The following GRID2 variants were observed in gnomAD, a reference collection of about 807,000 sequenced individuals.
GRID2 encodes glutamate ionotropic receptor delta type subunit 2, also known as glutamate receptor ionotropic, delta-2.
Under a neutral mutation model 114.8 loss-of-function variants are expected in GRID2, and 33 were observed. The observed-to-expected ratio is 0.29, with a 90% CI of 0.22 to 0.38. The LOEUF (loss-of-function observed/expected upper bound fraction) is 0.38. GRID2 is among the 10% of genes least tolerant of loss of function. The pLI, the probability that GRID2 is intolerant of heterozygous loss-of-function variation, is 1.00. For synonymous variants in GRID2, 505 were observed against 449.9 expected (o/e 1.12, Z -1.55); for missense variants, 1,184 against 1,257.7 (o/e 0.94, Z 0.89).
intron 8 of GRID2, among the ~76,000 whole-genome samples, chr4:93,295,829 A>C (rs1425182631): frequency 6.6e-6 from 1 of 152,218 alleles, no homozygotes; most frequent in African/African-American, 2.4e-5. Flanking sequence ...CCTAGTTGAT[A>C]CATAAAACTG....
intron 2 of GRID2, among the ~76,000 whole-genome samples, chr4:92,871,948 T>C (rs559654691): frequency 5.9e-5 from 9 of 152,282 alleles, no homozygotes; most frequent in Non-Finnish European, 8.8e-5. Context: ...ATTAAATGTA[T>C]AGTGAAATTT....
intron 14 of GRID2, among the ~76,000 whole-genome samples, chr4:93,754,112 T>C (rs1732553870): frequency 6.6e-6 from 1 of 152,198 alleles, no homozygotes; most frequent in Non-Finnish European, 1.5e-5. Flanking sequence ...TAAGTATTTA[T>C]GTATGTAAAC....
chr4:92,710,496 C>T (rs1056100221), intron 2 of GRID2, among the ~76,000 whole-genome samples: 4 of 152,134 alleles, frequency 2.6e-5, no homozygotes, highest in Admixed American at 1.3e-4. Context: ...TAAAAGCAAA[C>T]GTAAGAGGAA....
chr4:92,404,436 G>A (rs1412548937), intron 1 of GRID2, among the ~76,000 whole-genome samples: 1 of 152,138 alleles, frequency 6.6e-6, no homozygotes, highest in Admixed American at 6.6e-5. Context: ...CACCGTTGGT[G>A]GGAATGTAAA....
intron 1 of GRID2, among the ~76,000 whole-genome samples, chr4:93,794,203 A>C (rs953561697): frequency 6.6e-6 from 1 of 152,148 alleles, no homozygotes; most frequent in Non-Finnish European, 1.5e-5. Context: ...TTCCTTTTAG[A>C]TGGCAGTGAT....
intron 2 of GRID2, among the ~76,000 whole-genome samples, chr4:92,673,358 C>T (rs560651441): frequency 4.6e-5 from 7 of 152,286 alleles, no homozygotes; most frequent in Admixed American, 6.5e-5. Context: ...TTCATTTCTA[C>T]ATACGCTATT....
At chr4:92,480,101 ATAAT>A (rs1369520258) in intron 1 of GRID2, among the ~76,000 whole-genome samples, 5 of 152,132 alleles carry the variant, frequency 3.3e-5, no homozygotes, top group African/African-American at 1.2e-4. Context: ...ATGATTACAA[ATAAT>A]TTTTCTTGTC....
intron 13 of GRID2, among the ~76,000 whole-genome samples, chr4:93,578,289 A>T (rs1171044543): frequency 2.6e-5 from 4 of 152,108 alleles, no homozygotes; most frequent in Non-Finnish European, 4.4e-5. Flanking sequence ...GAGGAGAAAA[A>T]TAGGTATTTT....
chr4:93,587,103 A>G (rs561707389), intron 13 of GRID2, among the ~76,000 whole-genome samples: 1 of 152,160 alleles, frequency 6.6e-6, no homozygotes, highest in Admixed American at 6.6e-5. Context: ...CTTTCTGTCT[A>G]TCATTTCTCT....
intron 13 of GRID2, among the ~76,000 whole-genome samples, chr4:93,529,616 C>T (rs1253130981): frequency 6.6e-6 from 1 of 152,214 alleles, no homozygotes; most frequent in East Asian, 1.9e-4. Flanking sequence ...CCCAGGGCTT[C>T]GGGTGCATCA....
chr4:93,261,075 T>G (rs1411399506), intron 8 of GRID2, among the ~76,000 whole-genome samples: 1 of 151,826 alleles, frequency 6.6e-6, no homozygotes, highest in African/African-American at 2.4e-5. Context: ...GTGCATGATA[T>G]AGTATACCTA....
intron 2 of GRID2, among the ~76,000 whole-genome samples, chr4:92,797,697 G>A (rs1425975496): frequency 2.7e-5 from 4 of 150,086 alleles, no homozygotes. Context: ...TTCTTTTTTT[G>A]CTATTTCTAT....
At chr4:93,015,934 C>T (rs1323218551) in intron 2 of GRID2, among the ~76,000 whole-genome samples, 1 of 151,774 alleles carries the variant, frequency 6.6e-6, no homozygotes, top group African/African-American at 2.4e-5. Flanking sequence ...AAGATAAGCA[C>T]ATGTAAATAA....
intron 3 of GRID2, among the ~76,000 whole-genome samples, chr4:93,104,642 A>AT (rs1022681953): frequency 1.6e-4 from 24 of 152,188 alleles, no homozygotes; most frequent in African/African-American, 4.8e-4. Flanking sequence ...TGAACTCTTC[A>AT]TTTTTTATGG....
intron 1 of GRID2, among the ~76,000 whole-genome samples, chr4:93,797,431 C>T (rs1457067601): frequency 6.6e-6 from 1 of 152,104 alleles, no homozygotes; most frequent in African/African-American, 2.4e-5. Flanking sequence ...AAAAATGTGT[C>T]TGAATAGCTA....
chr4:92,621,827 A>G (rs1473064190), intron 2 of GRID2, among the ~76,000 whole-genome samples: 1 of 151,844 alleles, frequency 6.6e-6, no homozygotes, highest in Non-Finnish European at 1.5e-5. Context: ...AAGTTTGATA[A>G]TGATGAAGGT....
intron 2 of GRID2, among the ~76,000 whole-genome samples, chr4:92,848,604 C>G (rs776925566): frequency 2.6e-5 from 4 of 151,844 alleles, no homozygotes; most frequent in Non-Finnish European, 5.9e-5. Context: ...CTAATACCCA[C>G]ACCTGGAACA....
intron 2 of GRID2, among the ~76,000 whole-genome samples, chr4:92,888,778 A>G (rs987658236): frequency 1.3e-5 from 2 of 151,294 alleles, no homozygotes; most frequent in Admixed American, 6.6e-5. Flanking sequence ...TGCACCCTTT[A>G]TCTAGTAGCT....
intron 14 of GRID2, among the ~76,000 whole-genome samples, chr4:93,715,541 TA>T (rs1319454058): frequency 2.0e-5 from 3 of 152,246 alleles, no homozygotes; most frequent in Admixed American, 1.3e-4. Flanking sequence ...ATTTTCACAA[TA>T]TTGATTCTTC....
Sources: gnomAD v4.1 joint callset for allele counts (sites outside exome capture counted in the v4.1 genomes callset) on GRCh38, gnomAD v4.1.1 for gene constraint, MANE v1.5 for transcripts, NCBI Gene and HGNC (gene_info 2026-07-23, HGNC 2026-07-21) for gene names.